The following TJP1 variants were observed in gnomAD, a reference collection of about 807,000 sequenced individuals.
TJP1 encodes tight junction protein 1.
TJP1 carries 43 observed loss-of-function variants against 194.2 expected under a neutral mutation model. That is an observed-to-expected ratio of 0.22 (90% confidence interval 0.17 to 0.29). The LOEUF (loss-of-function observed/expected upper bound fraction) is 0.29. Ranked by LOEUF, TJP1 falls within the 10% of genes least tolerant of loss-of-function variation. The pLI is 1.00. For synonymous variants in TJP1, 801 were observed against 779.0 expected, an observed-to-expected ratio of 1.03 and a Z score of -0.47; for missense variants, 1,971 against 2,185.7, an observed-to-expected ratio of 0.90 and a Z score of 1.96.
At chr15:29,870,598 G>C (rs1407499977) in intron 2 of TJP1, among the ~76,000 whole-genome samples, 3 of 152,204 alleles carry the variant, frequency 2.0e-5, no homozygotes, top group Non-Finnish European at 4.4e-5. Flanking sequence ...CACAGAAAAT[G>C]CTTCTGTTGA....
intron 18 of TJP1, among the ~76,000 whole-genome samples, chr15:29,724,338 A>G (rs2043116180): frequency 2.0e-5 from 3 of 152,180 alleles, no homozygotes; most frequent in Admixed American, 6.5e-5. Context: ...ATGGCTTCTC[A>G]ACTCGGTAAC....
At chr15:29,730,176 G>A (rs1356952375) in intron 15 of TJP1, among the ~76,000 whole-genome samples, 1 of 152,128 alleles carries the variant, frequency 6.6e-6, no homozygotes. Flanking sequence ...ATGCTTAAAA[G>A]AGTGGAAGAA....
At chr15:29,949,694 TCCACCA>T (rs747906358) in intron 2 of TJP1, among the ~76,000 whole-genome samples, 1 of 33,516 alleles carries the variant, frequency 3.0e-5, no homozygotes, top group Non-Finnish European at 6.2e-5. Flanking sequence ...CACCACCACC[TCCACCA>T]CCACCACCTC....
chr15:29,920,214 C>T (rs1037480414), intron 2 of TJP1, among the ~76,000 whole-genome samples: 1 of 152,158 alleles, frequency 6.6e-6, no homozygotes, highest in African/African-American at 2.4e-5. Context: ...CAAAACCAAA[C>T]GTAAACATGT....
At chr15:29,792,494 A>G (rs538049070) in intron 2 of TJP1, among the ~76,000 whole-genome samples, 18 of 152,288 alleles carry the variant, frequency 1.2e-4, no homozygotes, top group East Asian at 1.2e-3. Flanking sequence ...GCTCTGGAGT[A>G]TAATTTGAAG....
intron 2 of TJP1, among the ~76,000 whole-genome samples, chr15:29,879,037 T>G (rs944620808): frequency 1.3e-5 from 2 of 152,016 alleles, no homozygotes. Context: ...GGCAGGAGAA[T>G]CGCTTGAACC....
chr15:29,836,943 T>C (rs977632748), intron 2 of TJP1, among the ~76,000 whole-genome samples: 2 of 152,218 alleles, frequency 1.3e-5, no homozygotes, highest in African/African-American at 4.8e-5. Context: ...CGCAGCCCCC[T>C]TGGACCTTGC....
intron 2 of TJP1, among the ~76,000 whole-genome samples, chr15:29,782,943 C>T (rs2047463574): frequency 6.7e-6 from 1 of 148,536 alleles, no homozygotes; most frequent in South Asian, 2.1e-4. Context: ...TGAAAAAATG[C>T]TCAACATCAG....
At chr15:29,891,939 T>C (rs1042701272) in intron 2 of TJP1, among the ~76,000 whole-genome samples, 1 of 152,168 alleles carries the variant, frequency 6.6e-6, no homozygotes, top group Non-Finnish European at 1.5e-5. Flanking sequence ...AAGTAAAAGG[T>C]CCGTCATATT....
rs547192290 is a variant in TJP1 at position 29,705,908 on chromosome 15, C to T, written c.4851-163G>A. Among the ~76,000 whole-genome samples the T allele has an allele frequency of 4.6e-5, 7 of 152,296 alleles. No homozygotes were observed. In the East Asian group the frequency reaches 5.8e-4, roughly 13 times the overall value. ...CAACAGATTTTACTGACAGGGTTAT[C>T]GCAGAGAATATTATTTCTTTTTTGT... On this transcript the variant is annotated intron_variant, in intron 25 of 27. Coordinates refer to ENST00000614355, the MANE Select transcript of TJP1 (RefSeq NM_001330239.4).
chr15:29,821,974 T>G, intron 1 of TJP1, 28 bp downstream of exon 1: 1 of 1,279,840 alleles, frequency 7.8e-7, no homozygotes, highest in Non-Finnish European at 9.9e-7. Context: ...CGGCCCGGTC[T>G]GGCCCTGGCG....
At chr15:29,881,942 T>C (rs945667103) in intron 2 of TJP1, among the ~76,000 whole-genome samples, 6 of 150,626 alleles carry the variant, frequency 4.0e-5, no homozygotes, top group African/African-American at 7.3e-5. Context: ...AAGATATATA[T>C]ATAGATATAT....
chr15:29,710,868 C>A lies in TJP1; in HGVS notation c.4335G>T (p.Ala1445=), dbSNP rs774848779. The A allele has an allele frequency of 6.2e-7, 1 of 1,613,982 alleles. No individual in the cohort carries two copies. The highest frequency in any genetic ancestry group is 1.1e-5 in the South Asian group (1 of 91,084). Residue 1445 remains alanine, a synonymous_variant, in exon 24 of 28, where the codon GCG becomes GCT. Transcript: ENST00000614355. The stretch of plus-strand genomic sequence containing the variant: ...CTCCCTTAGAATGTATGTGGAGAGA[C>A]GCGCTGGTGACAGGCTGAGATGGCT... ...YAQPSQPVTS[A]SLHIHSKGAH...
chr15:29,771,066 T>G (rs961923089), intron 4 of TJP1, among the ~76,000 whole-genome samples: 53 of 152,306 alleles, frequency 3.5e-4, no homozygotes, highest in African/African-American at 1.3e-3. Flanking sequence ...ATAATTTTTT[T>G]ATCCACTATA....
At chr15:29,744,359 C>T (rs978398804) in intron 8 of TJP1, among the ~76,000 whole-genome samples, 7 of 152,092 alleles carry the variant, frequency 4.6e-5, no homozygotes, top group Non-Finnish European at 7.4e-5. Context: ...AATTCCACTT[C>T]TATATTTATT....
intron 2 of TJP1, among the ~76,000 whole-genome samples, chr15:29,795,206 C>T (rs1288470083): frequency 6.6e-6 from 1 of 151,956 alleles, no homozygotes; most frequent in South Asian, 2.1e-4. Context: ...GGAGGATTGC[C>T]TGAGGTCAGG....
At chr15:29,941,100 C>G (rs926534985) in intron 2 of TJP1, among the ~76,000 whole-genome samples, 3 of 152,206 alleles carry the variant, frequency 2.0e-5, no homozygotes, top group Non-Finnish European at 4.4e-5. Flanking sequence ...TCCCTCCTTT[C>G]AAGGTTAGCA....
intron 2 of TJP1, among the ~76,000 whole-genome samples, chr15:29,951,591 C>T (rs780704051): frequency 6.6e-6 from 1 of 152,114 alleles, no homozygotes; most frequent in Non-Finnish European, 1.5e-5. Context: ...CAAAAATGTA[C>T]TCAAATGTAA....
chr15:29,935,534 C>A (rs1028357745), intron 2 of TJP1, among the ~76,000 whole-genome samples: 2 of 152,164 alleles, frequency 1.3e-5, no homozygotes, highest in African/African-American at 4.8e-5. Flanking sequence ...ATGGTCATTA[C>A]AAAGGACTTC....
Sources: allele counts gnomAD v4.1 joint callset (sites outside exome capture counted in the v4.1 genomes callset), GRCh38; gene constraint gnomAD v4.1.1; transcripts MANE v1.5; gene names NCBI Gene and HGNC (gene_info 2026-07-23, HGNC 2026-07-21).